Variants in FUBP3 observed in about 807,000 individuals in gnomAD.
The protein encoded by FUBP3 is far upstream element-binding protein 3.
A neutral mutation model predicts 85.6 loss-of-function variants in FUBP3; 28 were observed. The ratio of observed to expected loss-of-function variants is 0.33; its 90% CI spans 0.24 to 0.45. The LOEUF (loss-of-function observed/expected upper bound fraction) is 0.45. Among genes scored for constraint, FUBP3 ranks in the 20% least tolerant of loss-of-function variants. The probability of loss-of-function intolerance (pLI) is 1.00; values close to 1 mark genes in which losing one functional copy is unlikely to be tolerated. For missense variants in FUBP3, 583 were observed against 755.1 expected (o/e 0.77, Z 2.67); for synonymous variants, 271 against 271.4 (o/e 1.00, Z 0.01).
At chr9:130,603,347 CAAAAAAAA>C (rs34850259) in intron 2 of FUBP3, among the ~76,000 whole-genome samples, 17,025 of 83,950 alleles carry the variant, frequency 0.2, 1,221 homozygotes, top group Admixed American at 0.33. Flanking sequence ...ACTCTGTCTC[CAAAAAAAA>C]AAAAAAAAAA....
intron 10 of FUBP3, among the ~76,000 whole-genome samples, chr9:130,623,311 C>A (rs1301680317): frequency 6.6e-6 from 1 of 152,168 alleles, no homozygotes; most frequent in Non-Finnish European, 1.5e-5. Context: ...GTTGCCATAG[C>A]TCTGCTCTGA....
Position 130,614,285 on chromosome 9 carries a change from T to C in FUBP3, c.347-3T>C. On this transcript the variant is annotated splice_polypyrimidine_tract_variant and splice_region_variant and intron_variant, in intron 5 of 18. Transcript: ENST00000319725. ...CCCCTCATCTTCTTGATTCTTCTTATAGAGAGTTCTGGGATTCCAGAGAGG... is the reference window on the plus strand; with the variant it reads ...CCCCTCATCTTCTTGATTCTTCTTACAGAGAGTTCTGGGATTCCAGAGAGG... 6.3e-7 allele frequency: 1 copy of C among 1,592,926 alleles called. No homozygotes were observed. Among genetic ancestry groups the C allele is most frequent in the Non-Finnish European group, 8.6e-7 (1 of 1,161,108 alleles).
Position 130,607,137 on chromosome 9 carries a change from A to AT in FUBP3, c.191-2803dup, listed in dbSNP as rs67852625. ...ACCACCACACCCAGCTAATTTGTGT[A>AT]TTTTTTTTTTTTTTACTAGAGACAG... On this transcript the variant is annotated intron_variant, in intron 2 of 18. Transcript: ENST00000319725. Among the ~76,000 whole-genome samples, 350 of 143,952 alleles carry AT rather than the reference A, an allele frequency of 2.4e-3. 2 individuals carry two copies. Among genetic ancestry groups the AT allele is most frequent in the South Asian group, 8.5e-3 (38 of 4,490 alleles). 94.4% of individuals were successfully genotyped at this position (143,952 alleles called of 152,430 possible).
chr9:130,632,853 C>G (rs1830269871), intron 16 of FUBP3, among the ~76,000 whole-genome samples: 1 of 152,286 alleles, frequency 6.6e-6, no homozygotes, highest in African/African-American at 2.4e-5. Flanking sequence ...GCTTCAGGAA[C>G]CACTGTTGGG....
At chr9:130,588,816 C>T (rs1192072456) in intron 1 of FUBP3, among the ~76,000 whole-genome samples, 1 of 152,238 alleles carries the variant, frequency 6.6e-6, no homozygotes, top group Non-Finnish European at 1.5e-5. Context: ...CCAAACCTGT[C>T]TTAGGAACTT....
Position 130,624,653 on chromosome 9 carries a change from T to TGTGTGTGTG in FUBP3, c.975+942_975+943insGTGTGTGTG, listed in dbSNP as rs1456228434. Among the ~76,000 whole-genome samples, 8 of 132,822 alleles carry TGTGTGTGTG rather than the reference T, an allele frequency of 6.0e-5. No homozygotes were observed. The East Asian group carries it at 1.1e-3, about 18-fold the overall frequency. The allele number at this position is 132,822 out of a possible 152,430, so 87.1% of individuals were successfully genotyped here. ...TGTGTGTGTGTGTGTGTGTGTGTGT[T>TGTGTGTGTG]TTTAAGCTCATCAGCTATCATTAAT... On this transcript the variant is annotated intron_variant, in intron 11 of 18. Coordinates refer to ENST00000319725, the MANE Select transcript of FUBP3 (RefSeq NM_003934.2).
intron 1 of FUBP3, among the ~76,000 whole-genome samples, chr9:130,586,276 C>A (rs1199933588): frequency 1.3e-5 from 2 of 152,196 alleles, no homozygotes; most frequent in South Asian, 4.1e-4. Flanking sequence ...GTCCAAGGCC[C>A]CTTGCTGGAT....
intron 2 of FUBP3, among the ~76,000 whole-genome samples, chr9:130,598,024 A>C (rs1172690901): frequency 6.6e-6 from 1 of 152,224 alleles, no homozygotes; most frequent in Non-Finnish European, 1.5e-5. Flanking sequence ...ACATGGAAAA[A>C]AATATGGTTA....
In FUBP3 at chr9:130,631,692, G is replaced by A. The variant is rs570861466; in HGVS notation, c.1352+62G>A. 3.7e-5 allele frequency: 50 copies of A among 1,345,988 alleles called. No homozygotes were observed. The Admixed American group carries it at 4.5e-4, about 12-fold the overall frequency. 83.4% of individuals were successfully genotyped at this position (1,345,988 alleles called of 1,614,324 possible). A position where few individuals can be genotyped will look rare whatever the true frequency, so the allele number is the denominator to read the frequency against. ...ACTCGCTCCCCAGAGATCCCCTGTCGTTTCCAGCTACTTCTAGCGAGTGCC... is the reference window on the plus strand; with the variant it reads ...ACTCGCTCCCCAGAGATCCCCTGTCATTTCCAGCTACTTCTAGCGAGTGCC... On this transcript the variant is annotated intron_variant, in intron 14 of 18. Transcript: ENST00000319725.
At chr9:130,609,438 G>A (rs1192131342) in intron 2 of FUBP3, among the ~76,000 whole-genome samples, 2 of 151,706 alleles carry the variant, frequency 1.3e-5, no homozygotes, top group Non-Finnish European at 2.9e-5. Flanking sequence ...TATGGTCTTG[G>A]GGGTGGGGGG....
At chr9:130,619,902 CTG>C (rs1829669972) in intron 8 of FUBP3, among the ~76,000 whole-genome samples, 1 of 152,220 alleles carries the variant, frequency 6.6e-6, no homozygotes, top group Admixed American at 6.5e-5. Context: ...TGGAGTGCCT[CTG>C]TGTTGTAAAG....
intron 1 of FUBP3, among the ~76,000 whole-genome samples, chr9:130,594,174 G>A (rs1465010347): frequency 1.3e-5 from 2 of 152,086 alleles, no homozygotes; most frequent in East Asian, 3.9e-4. Context: ...TTGAGCCATG[G>A]GATTAGCCAA....
chr9:130,589,117 T>C (rs1830474882), intron 1 of FUBP3, among the ~76,000 whole-genome samples: 1 of 148,426 alleles, frequency 6.7e-6, no homozygotes, highest in East Asian at 1.9e-4. Context: ...AGAGTTCTAG[T>C]AAGTATGAAG....
chr9:130,626,821 C>T (rs187468974), intron 12 of FUBP3, among the ~76,000 whole-genome samples: 4 of 152,268 alleles, frequency 2.6e-5, no homozygotes, highest in Admixed American at 1.3e-4. Flanking sequence ...ATTTGTCAAT[C>T]GACTGATTGG....
intron 2 of FUBP3, among the ~76,000 whole-genome samples, chr9:130,605,203 A>C (rs1176889206): frequency 1.1e-4 from 16 of 152,132 alleles, no homozygotes; most frequent in Admixed American, 1.0e-3. Context: ...TGCAGGGCCC[A>C]ACACGTCCCT....
intron 2 of FUBP3, among the ~76,000 whole-genome samples, chr9:130,602,992 G>C (rs1349421422): frequency 6.6e-6 from 1 of 152,094 alleles, no homozygotes; most frequent in African/African-American, 2.4e-5. Flanking sequence ...AAGCAGTGGG[G>C]CCAGGCAAGA....
rs1334522916 is a variant in FUBP3 at position 130,616,505 on chromosome 9, C to T, written c.555C>T (p.Ile185=). 6.2e-7 allele frequency: 1 copy of T among 1,613,954 alleles called. No individual in the cohort carries two copies. The highest frequency in any genetic ancestry group is 8.5e-7 in the Non-Finnish European group (1 of 1,179,984). Reference sequence around the variant, plus strand: ...TCATCGGCAGAGGAGGGGAAACAATCAAGCAGTTGCAGGTGTGTGAGCCCG... The same window carrying T: ...TCATCGGCAGAGGAGGGGAAACAATTAAGCAGTTGCAGGTGTGTGAGCCCG... ...GLVIGRGGET[I]KQLQERTGVK... Residue 185 remains isoleucine, a synonymous_variant, in exon 7 of 19, where the codon ATC becomes ATT. Transcript: ENST00000319725. The surrounding 1 kb of genome is among the most constrained non-coding windows in gnomAD (Gnocchi z 4.7).
chr9:130,622,112 C>T (rs968726821), intron 9 of FUBP3, among the ~76,000 whole-genome samples: 5 of 151,872 alleles, frequency 3.3e-5, no homozygotes. Flanking sequence ...CACTTGAGGT[C>T]AGGAATTCAA....
chr9:130,637,785 T>C lies in FUBP3; in HGVS notation c.*763T>C, dbSNP rs948418772. ...TAAAACAAAACAAAAAACCTTTCTC[T>C]ATTATCTCAGAAATATAAATACTGT... On this transcript the variant is annotated 3_prime_UTR_variant, in exon 19 of 19. Coordinates refer to ENST00000319725, the MANE Select transcript of FUBP3 (RefSeq NM_003934.2). 1.3e-5 allele frequency: 2 copies of C among 152,616 alleles called. No homozygotes were observed. Among genetic ancestry groups the C allele is most frequent in the Non-Finnish European group, 2.9e-5 (2 of 68,046 alleles). The allele number at this position is 152,616 out of a possible 1,614,324, so 9.5% of individuals were successfully genotyped here. A position where few individuals can be genotyped will look rare whatever the true frequency, so the allele number is the denominator to read the frequency against.
Sources: gnomAD v4.1 joint callset for allele counts (sites outside exome capture counted in the v4.1 genomes callset) on GRCh38, gnomAD v4.1.1 for gene constraint, Gnocchi (gnomAD v3.1) non-coding constraint, MANE v1.5 for transcripts, NCBI Gene and HGNC (gene_info 2026-07-23, HGNC 2026-07-21) for gene names.